ANKFN1: variants seen among roughly 807,000 people sequenced by gnomAD.
ANKFN1 encodes ankyrin repeat and fibronectin type III domain containing 1.
Under a neutral mutation model 108.7 loss-of-function variants are expected in ANKFN1, and 74 were observed. The observed-to-expected ratio is 0.68, with a 90% CI of 0.56 to 0.83. ANKFN1 has a LOEUF of 0.83. ANKFN1 is among the 40% of genes least tolerant of loss of function. The pLI is 0.00. For missense variants in ANKFN1, 1,505 were observed against 1,382.3 expected, an observed-to-expected ratio of 1.09 and a Z score of -1.41; for synonymous variants, 547 against 516.2, an observed-to-expected ratio of 1.06 and a Z score of -0.81.
At chr17:56,102,236 A>G (rs767020670) in intron 4 of ANKFN1, among the ~76,000 whole-genome samples, 10 of 152,200 alleles carry the variant, frequency 6.6e-5, no homozygotes, top group Non-Finnish European at 1.3e-4. Context: ...CCTTCTTTTA[A>G]CATCATTTTA....
intron 2 of ANKFN1, among the ~76,000 whole-genome samples, chr17:56,219,252 TA>T (rs201021668): frequency 1.6e-5 from 2 of 122,214 alleles, no homozygotes; most frequent in African/African-American, 4.5e-5. Context: ...TTTGTTTGTT[TA>T]TTTTTTTTTT....
rs144120700 is a variant in ANKFN1, at chr17:56,218,494, T to A, written c.12+5815T>A. On this transcript the variant is annotated intron_variant, in intron 2 of 20. Coordinates refer to ENST00000682825, the MANE Select transcript of ANKFN1 (RefSeq NM_001370326.1). ...CTTTTCACTCTTCCATGTGGAATTC[T>A]TTGGTCTAACTTTTTTGAGCTACTT... is the stretch of plus-strand genomic sequence containing the variant. 1.7e-3 allele frequency among the ~76,000 whole-genome samples: 256 copies of A among 152,292 alleles called. 2 individuals carry two copies. The highest frequency in any genetic ancestry group is 8.3e-3 in the East Asian group (43 of 5,184).
At chr17:56,316,849 G>A (rs947227822) in intron 3 of ANKFN1, among the ~76,000 whole-genome samples, 3 of 152,082 alleles carry the variant, frequency 2.0e-5, no homozygotes, top group Admixed American at 1.3e-4. Context: ...CATTTAAAAA[G>A]CACCAGTCCC....
chr17:56,059,083 C>T (rs1450606622), intron 4 of ANKFN1, among the ~76,000 whole-genome samples: 1 of 152,210 alleles, frequency 6.6e-6, no homozygotes, highest in Admixed American at 6.5e-5. Context: ...TCCCCACAGC[C>T]TCACCAGCAT....
intron 4 of ANKFN1, among the ~76,000 whole-genome samples, chr17:56,124,769 C>G (rs1404548958): frequency 6.6e-6 from 1 of 152,180 alleles, no homozygotes; most frequent in Non-Finnish European, 1.5e-5. Flanking sequence ...AGTAACAGGC[C>G]TGCCTTTGGG....
intron 1 of ANKFN1, among the ~76,000 whole-genome samples, chr17:56,207,958 C>T (rs1361069315): frequency 6.6e-6 from 1 of 152,134 alleles, no homozygotes; most frequent in Non-Finnish European, 1.5e-5. Context: ...AATCTGACTC[C>T]ATCTGGACCC....
chr17:56,150,261 A>T (rs780593819), upstream of ANKFN1, among the ~76,000 whole-genome samples: 5 of 152,214 alleles, frequency 3.3e-5, no homozygotes, highest in Non-Finnish European at 1.5e-5. Flanking sequence ...TGGAATCAAC[A>T]TGATTAAGTT....
At chr17:56,208,803 C>T (rs762897435) in intron 1 of ANKFN1, among the ~76,000 whole-genome samples, 4 of 152,236 alleles carry the variant, frequency 2.6e-5, no homozygotes, top group Non-Finnish European at 4.4e-5. Flanking sequence ...GACAATCTTT[C>T]GGGACAGAGG....
intron 15 of ANKFN1, chr17:56,472,636 G>T (rs2050360298): frequency 6.6e-6 from 1 of 152,134 alleles, no homozygotes; most frequent in Non-Finnish European, 1.5e-5. Context: ...ATAAGTCAAG[G>T]TCCCTACTTT....
At chr17:56,339,205 C>G (rs1277622062) in intron 4 of ANKFN1, among the ~76,000 whole-genome samples, 1 of 151,786 alleles carries the variant, frequency 6.6e-6, no homozygotes. Context: ...TCATTTAAAT[C>G]AGAAAGGAGA....
At position 56,516,511 on chromosome 17, in the gene ANKFN1, T is replaced by C. The variant is rs1306999763; in HGVS notation, c.*5242T>C. Among the ~76,000 whole-genome samples, 1 of 152,188 alleles carries C rather than the reference T, an allele frequency of 6.6e-6. No individual in the cohort carries two copies. The highest frequency in any genetic ancestry group is 1.5e-5 in the Non-Finnish European group (1 of 68,034). ...TGCACAATTTTGTGTGCTTTAAACC[T>C]CTGTAAACATGCAGATGAATCATGT... is the stretch of plus-strand genomic sequence containing the variant. On this transcript the variant is annotated 3_prime_UTR_variant, in exon 21 of 21. Transcript: ENST00000682825.
chr17:56,236,495 CTGT>C (rs1391389111), intron 3 of ANKFN1, among the ~76,000 whole-genome samples: 1 of 152,092 alleles, frequency 6.6e-6, no homozygotes, highest in Non-Finnish European at 1.5e-5. Context: ...CTTGGCTTGT[CTGT>C]TGTTGGTGTA....
chr17:56,511,161 C>G lies in ANKFN1; in HGVS notation c.3333C>G (p.Ser1111Arg), dbSNP rs1425755510. Residue 1111 changes from serine (S) to arginine (R), a missense_variant, in exon 21 of 21, where the codon AGC becomes AGG. Coordinates refer to ENST00000682825, the MANE Select transcript of ANKFN1 (RefSeq NM_001370326.1). ...AQDEKPWASL[S>R]PPSGGRITLP... The stretch of plus-strand genomic sequence containing the variant: ...ACGAAAAACCATGGGCAAGCTTGAG[C>G]CCGCCCTCTGGAGGCCGCATCACCC... 3.9e-6 allele frequency: 6 copies of G among 1,535,924 alleles called. No homozygotes were observed. Among genetic ancestry groups the G allele is most frequent in the African/African-American group, 1.4e-5 (1 of 73,058 alleles).
chr17:56,491,568 T>G (rs2051040828), intron 18 of ANKFN1, among the ~76,000 whole-genome samples: 1 of 152,176 alleles, frequency 6.6e-6, no homozygotes, highest in Admixed American at 6.5e-5. Flanking sequence ...AAACCAAGTC[T>G]GCTGAAGACA....
At chr17:56,178,313 A>G (rs557964112) in intron 1 of ANKFN1, among the ~76,000 whole-genome samples, 1 of 152,346 alleles carries the variant, frequency 6.6e-6, no homozygotes, top group East Asian at 1.9e-4. Context: ...TTTGGGGGAC[A>G]TTCATTTAAA....
chr17:56,354,323 A>G (rs977009287), intron 6 of ANKFN1, among the ~76,000 whole-genome samples: 2 of 152,216 alleles, frequency 1.3e-5, no homozygotes, highest in Non-Finnish European at 2.9e-5. Context: ...TATGTGAGAT[A>G]CTCCAAGTGA....
intron 3 of ANKFN1, among the ~76,000 whole-genome samples, chr17:56,252,760 TA>T (rs936878990): frequency 2.0e-5 from 3 of 148,052 alleles, no homozygotes; most frequent in African/African-American, 7.6e-5. Flanking sequence ...TATAATAAGA[TA>T]AAAATAATAA....
chr17:56,188,573 G>GTATATATA (rs1388598734), intron 1 of ANKFN1, among the ~76,000 whole-genome samples: 8 of 95,442 alleles, frequency 8.4e-5, no homozygotes, highest in Non-Finnish European at 1.4e-4. Flanking sequence ...ATGTGTGTGT[G>GTATATATA]TGTGTGTGTA....
chr17:56,403,375 G>C (rs1175580763), intron 8 of ANKFN1, among the ~76,000 whole-genome samples: 1 of 152,044 alleles, frequency 6.6e-6, no homozygotes, highest in African/African-American at 2.4e-5. Context: ...AAATTTTAGA[G>C]CTCCAGTGTT....
Sources: allele counts gnomAD v4.1 joint callset (sites outside exome capture counted in the v4.1 genomes callset), GRCh38; gene constraint gnomAD v4.1.1; transcripts MANE v1.5; gene names NCBI Gene and HGNC (gene_info 2026-07-23, HGNC 2026-07-21).